The following PCYOX1L variants were observed in gnomAD, a reference collection of about 807,000 sequenced individuals.
PCYOX1L encodes the protein prenylcysteine oxidase 1-like.
In PCYOX1L, 40 loss-of-function variants were observed where a neutral mutation model predicts 44.1. That is an observed-to-expected ratio of 0.91 (90% CI 0.70 to 1.18). PCYOX1L has a LOEUF of 1.18. Among genes scored for constraint, PCYOX1L ranks in the 50% most tolerant of loss-of-function variants. PCYOX1L has a pLI of 0.00. For synonymous variants in PCYOX1L, 266 were observed against 282.8 expected, an observed-to-expected ratio of 0.94 and a Z score of 0.60; for missense variants, 605 against 653.3, an observed-to-expected ratio of 0.93 and a Z score of 0.81.
In PCYOX1L at chr5:149,368,768, T is replaced by C; in HGVS notation, c.*114T>C. ...CACCAGGCTTCTTTCTGACCCCTCA[T>C]GTATCAAGCATCTCCAGGTGACCTA... On this transcript the variant is annotated 3_prime_UTR_variant, in exon 6 of 6. Coordinates refer to ENST00000274569, the MANE Select transcript of PCYOX1L (RefSeq NM_024028.4). 9.1e-7 allele frequency: 1 copy of C among 1,097,578 alleles called. No homozygotes were observed. The highest frequency in any genetic ancestry group is 1.2e-6 in the Non-Finnish European group (1 of 813,376). 68.0% of individuals were successfully genotyped at this position (1,097,578 alleles called of 1,614,324 possible).
chr5:149,368,582 C>A lies in PCYOX1L; in HGVS notation c.1413C>A (p.Tyr471Ter). 3 of 1,577,426 alleles carry A rather than the reference C, an allele frequency of 1.9e-6. No homozygotes were observed. The highest frequency in any genetic ancestry group is 2.6e-6 in the Non-Finnish European group (3 of 1,165,446). Residue 471 changes from tyrosine (Y) to a stop codon, truncating the protein, a stop_gained, in exon 6 of 6, where the codon TAC (tyrosine) becomes TAA (stop). Coordinates refer to ENST00000274569, the MANE Select transcript of PCYOX1L (RefSeq NM_024028.4). LOFTEE classifies it high-confidence loss of function. ...VAAKNVALLA[Y>*]NRWYQDLDKI... ...CCAAGAATGTGGCCTTGCTGGCTTACAACCGCTGGTACCAGGACCTAGACA... is the reference window on the plus strand; with the variant it reads ...CCAAGAATGTGGCCTTGCTGGCTTAAAACCGCTGGTACCAGGACCTAGACA...
At chr5:149,366,245 A>T (rs1581372506) in intron 4 of PCYOX1L, 92 bp downstream of exon 4, 1 of 1,321,856 alleles carries the variant, frequency 7.6e-7, no homozygotes, top group East Asian at 2.5e-5. Flanking sequence ...CCTCACTTTT[A>T]TCCAGCTCAT....
intron 2 of PCYOX1L, chr5:149,363,608 G>GGGGAAGGAACAAGTCATAGCA: frequency 4.5e-6 from 1 of 224,652 alleles, no homozygotes; most frequent in Non-Finnish European, 8.9e-6. Flanking sequence ...ATGTGGGGGT[G>GGGGAAGGAACAAGTCATAGCA]GGGAAGGAAC....
chr5:149,366,118 G>A lies in PCYOX1L; in HGVS notation c.647G>A (p.Ser216Asn). The A allele has an allele frequency of 6.2e-7, 1 of 1,613,608 alleles. No homozygotes were observed. The highest frequency in any genetic ancestry group is 8.5e-7 in the Non-Finnish European group (1 of 1,180,028). The change falls in exon 4 of 6, where the codon AGC becomes AAC. Residue 216 changes from serine (S) to asparagine (N), a missense_variant. Ser to Asn is a conservative substitution (Grantham distance 46). Coordinates refer to ENST00000274569, the MANE Select transcript of PCYOX1L (RefSeq NM_024028.4). ...GTCGTTTCTGCTGTCCTGCGGGCCA[G>A]CTATGGCCAGTCAGCAGCGATGCCC... ...DDVVSAVLRA[S>N]YGQSAAMPAF...
intron 3 of PCYOX1L, chr5:149,364,447 T>C: frequency 4.6e-6 from 2 of 433,276 alleles, no homozygotes; most frequent in Middle Eastern, 6.3e-4. Flanking sequence ...ACTACACTGA[T>C]ACTAATAAAA....
Position 149,369,154 on chromosome 5 carries a change from G to A in PCYOX1L, c.*500G>A, listed in dbSNP as rs1265697762. On this transcript the variant is annotated 3_prime_UTR_variant, in exon 6 of 6. Coordinates refer to ENST00000274569, the MANE Select transcript of PCYOX1L (RefSeq NM_024028.4). ...GAAATGATCATAGCTCCTGGTTACTGTGGACTTGATGGATTTGAAGTACCT... is the reference window on the plus strand; with the variant it reads ...GAAATGATCATAGCTCCTGGTTACTATGGACTTGATGGATTTGAAGTACCT... 6.6e-6 allele frequency: 1 copy of A among 152,418 alleles called. No individual in the cohort carries two copies. Among genetic ancestry groups the A allele is most frequent in the African/African-American group, 2.4e-5 (1 of 41,454 alleles). The allele number at this position is 152,418 out of a possible 1,614,324, so 9.4% of individuals were successfully genotyped here. A position where few individuals can be genotyped will look rare whatever the true frequency, so the allele number is the denominator to read the frequency against.
rs1758244063 is a variant in PCYOX1L at position 149,367,290 on chromosome 5, A to G, written c.683-70A>G. On this transcript the variant is annotated intron_variant, in intron 4 of 5. Transcript: ENST00000274569. ...TGGCAGGGAGGCCCAGTCGAATAGT[A>G]CTGGACTCCCCAGCCCTCCTGCCCC... 4 of 1,544,068 alleles carry G rather than the reference A, an allele frequency of 2.6e-6. No homozygotes were observed. The Admixed American group carries it at 6.3e-5, about 24-fold the overall frequency.
Position 149,368,189 on chromosome 5 carries a change from C to T in PCYOX1L, c.1020C>T (p.Tyr340=), listed in dbSNP as rs751008310. Residue 340 remains tyrosine (Y), a synonymous_variant, in exon 6 of 6, where the codon TAC becomes TAT. Coordinates refer to ENST00000274569, the MANE Select transcript of PCYOX1L (RefSeq NM_024028.4). ...CCGTCGTCTCCTTGGTCCACGGCTA[C>T]CTCAACTCGTCCTACTTCGGTTTCC... The part of the protein sequence containing the change: ...QPTVVSLVHG[Y]LNSSYFGFPD... 6.2e-7 allele frequency: 1 copy of T among 1,614,104 alleles called. No homozygotes were observed. The highest frequency in any genetic ancestry group is 1.7e-5 in the Admixed American group (1 of 60,026).
intron 4 of PCYOX1L, 127 bp downstream of exon 4, chr5:149,366,280 C>A: frequency 2.2e-6 from 2 of 911,780 alleles, no homozygotes; most frequent in Non-Finnish European, 3.3e-6. Flanking sequence ...CACTCTGCTG[C>A]CCCATCCTGC....
chr5:149,362,591 T>C, intron 1 of PCYOX1L, 46 bp from the exon 2 acceptor site: 1 of 1,603,634 alleles, frequency 6.2e-7, no homozygotes, highest in African/African-American at 1.3e-5. Context: ...CCTCTCACTC[T>C]CATGTTCTGT....
intron 3 of PCYOX1L, chr5:149,364,915 A>G (rs909225185): frequency 6.6e-6 from 1 of 152,150 alleles, no homozygotes; most frequent in African/African-American, 2.4e-5. Context: ...CCAAGCTGTC[A>G]CTCCACCTTT....
intron 3 of PCYOX1L, chr5:149,364,452 A>G: frequency 2.4e-6 from 1 of 417,974 alleles, no homozygotes; most frequent in Non-Finnish European, 4.3e-6. Context: ...ACTGATACTA[A>G]TAAAAGCATG....
At chr5:149,366,240 CT>C in intron 4 of PCYOX1L, 87 bp downstream of exon 4, 2 of 1,370,518 alleles carry the variant, frequency 1.5e-6, no homozygotes, top group Non-Finnish European at 2.0e-6. Flanking sequence ...AATAACCTCA[CT>C]TTTATCCAGC....
chr5:149,363,718 C>T, intron 2 of PCYOX1L: 1 of 353,400 alleles, frequency 2.8e-6, no homozygotes, highest in Non-Finnish European at 5.4e-6. Context: ...CAAGTGATCT[C>T]AGTGCCCAAG....
In PCYOX1L at chr5:149,362,858, C is replaced by T; in HGVS notation, c.295+15C>T. ...CAAGCTGCTGGGTGAGTGGTCAGTC[C>T]TGGGGCTCCAGTGCCCAGCGCCCTG... On this transcript the variant is annotated intron_variant, in intron 2 of 5. Transcript: ENST00000274569. 1 of 1,613,136 alleles carries T rather than the reference C, an allele frequency of 6.2e-7. No homozygotes were observed. Among genetic ancestry groups the T allele is most frequent in the East Asian group, 2.2e-5 (1 of 44,888 alleles).
chr5:149,365,748 A>G, intron 3 of PCYOX1L, 194 bp from the exon 4 acceptor site: 1 of 605,120 alleles, frequency 1.7e-6, no homozygotes, highest in Non-Finnish European at 2.9e-6. Flanking sequence ...ATACCTTCAC[A>G]CTCCCTTTAG....
At chr5:149,367,237 C>T in intron 4 of PCYOX1L, 123 bp from the exon 5 acceptor site, 4 of 1,210,806 alleles carry the variant, frequency 3.3e-6, no homozygotes, top group Non-Finnish European at 4.5e-6. Context: ...GCCATCTCCC[C>T]ATGCCCATGG....
At position 149,366,105 on chromosome 5, in the gene PCYOX1L, G is replaced by C. The variant is rs1052053079; in HGVS notation, c.634G>C (p.Val212Leu). ...CTTTATTGATGATGTCGTTTCTGCT[G>C]TCCTGCGGGCCAGCTATGGCCAGTC... ...QRFIDDVVSA[V>L]LRASYGQSAA... is the part of the protein sequence containing the mutation. The change falls in exon 4 of 6, where the codon GTC becomes CTC. Residue 212 changes from valine to leucine, a missense_variant. Physicochemically the swap from Val to Leu is conservative, Grantham distance 32. Transcript: ENST00000274569. The C allele has an allele frequency of 3.7e-6, 6 of 1,613,930 alleles. No individual in the cohort carries two copies. The highest frequency in any genetic ancestry group is 5.1e-6 in the Non-Finnish European group (6 of 1,180,036).
In PCYOX1L at chr5:149,368,463, C is replaced by T. The variant is rs1758311461; in HGVS notation, c.1294C>T (p.Pro432Ser). The T allele has an allele frequency of 6.2e-7, 1 of 1,613,652 alleles. No homozygotes were observed. Among genetic ancestry groups the T allele is most frequent in the Non-Finnish European group, 8.5e-7 (1 of 1,179,688 alleles). Residue 432 changes from proline to serine, a missense_variant, in exon 6 of 6, where the codon CCC becomes TCC. By Grantham distance (74) the Pro-to-Ser change is moderately conservative. Coordinates refer to ENST00000274569, the MANE Select transcript of PCYOX1L (RefSeq NM_024028.4). The part of the protein sequence containing the change: ...WQAHPLYGSR[P>S]TLPRFALHDQ... ...GGCCCATCCCCTCTATGGCTCCCGC[C>T]CCACGCTCCCGAGGTTTGCACTCCA... is the stretch of plus-strand genomic sequence containing the variant.
Sources: allele counts gnomAD v4.1 joint callset, GRCh38; gene constraint gnomAD v4.1.1; transcripts MANE v1.5; gene names NCBI Gene and HGNC (gene_info 2026-07-23, HGNC 2026-07-21).